The following PLA2G4E variants were observed in gnomAD, a reference collection of about 807,000 sequenced individuals.
PLA2G4E encodes the protein phospholipase A2 group IVE.
Under a neutral mutation model 109.1 loss-of-function variants are expected in PLA2G4E, and 84 were observed. The observed-to-expected ratio is 0.77, with a 90% confidence interval of 0.65 to 0.92. The LOEUF (loss-of-function observed/expected upper bound fraction) is 0.92. Among genes scored for constraint, PLA2G4E ranks in the 40% least tolerant of loss-of-function variants. The pLI is 0.00. For synonymous variants in PLA2G4E, 469 were observed against 436.1 expected (o/e 1.08, Z -0.94); for missense variants, 1,057 against 1,076.6 (o/e 0.98, Z 0.25).
At chr15:42,006,292 G>T (rs796659058) in intron 3 of PLA2G4E, 171 bp from the exon 4 acceptor site, 8 of 733,908 alleles carry the variant, frequency 1.1e-5, no homozygotes, top group Non-Finnish European at 1.7e-5. Context: ...AATTAAGGAA[G>T]GCAAGTGTCT....
chr15:41,989,555 G>A lies in PLA2G4E; in HGVS notation c.1586-3C>T, dbSNP rs755503500. On this transcript the variant is annotated splice_region_variant and splice_polypyrimidine_tract_variant and intron_variant, in intron 14 of 19. Coordinates refer to ENST00000399518, the Ensembl canonical transcript of PLA2G4E. Reference sequence around the variant, plus strand: ...GTAGGGGGAGAACTCGAACCACTCTGCACATGAAGCAGCAGGACGGGGGTC... The same window carrying A: ...GTAGGGGGAGAACTCGAACCACTCTACACATGAAGCAGCAGGACGGGGGTC... The A allele has an allele frequency of 6.2e-7, 1 of 1,612,086 alleles. No individual in the cohort carries two copies. The highest frequency in any genetic ancestry group is 8.5e-7 in the Non-Finnish European group (1 of 1,178,636).
At chr15:41,983,949 C>T (rs1566832766) in exon 20 of PLA2G4E, 1 of 1,609,638 alleles carries the variant, frequency 6.2e-7, no homozygotes, top group Non-Finnish European at 8.5e-7. Context: ...GGCCCTGCTC[C>T]AGCTCCTCAG....
At chr15:42,006,257 T>C (rs2141048785) in intron 3 of PLA2G4E, 136 bp from the exon 4 acceptor site, 2 of 1,100,968 alleles carry the variant, frequency 1.8e-6, no homozygotes, top group South Asian at 3.3e-5. Context: ...CCTGCTCAGA[T>C]GTGACAGACA....
At chr15:42,010,066 T>C (rs760533182) in intron 2 of PLA2G4E, 42 of 489,918 alleles carry the variant, frequency 8.6e-5, no homozygotes, top group South Asian at 6.9e-4. Context: ...GCTCTGCTGA[T>C]AGGGAGACTC....
intron 1 of PLA2G4E, among the ~76,000 whole-genome samples, chr15:42,016,253 T>C (rs1217356839): frequency 6.7e-6 from 1 of 149,016 alleles, no homozygotes; most frequent in Non-Finnish European, 1.5e-5. Context: ...TTTTTTTTTT[T>C]TTTTTTTTTT....
rs140086732 is a variant in PLA2G4E, at chr15:41,986,971, C to G, written c.2035+201G>C. ...TGTACAGATGCAGTGAGTTAAGTAC[C>G]CACACCACTCCCTGCTGCCAGACAC... On this transcript the variant is annotated intron_variant, in intron 17 of 19. Coordinates refer to ENST00000399518, the Ensembl canonical transcript of PLA2G4E. The G allele has an allele frequency of 8.2e-6, 5 of 607,980 alleles. No individual in the cohort carries two copies. In the African/African-American group the frequency reaches 9.3e-5, roughly 11 times the overall value. 37.7% of individuals were successfully genotyped at this position (607,980 alleles called of 1,614,324 possible). A position where few individuals can be genotyped will look rare whatever the true frequency, so the allele number is the denominator to read the frequency against.
intron 1 of PLA2G4E, among the ~76,000 whole-genome samples, chr15:42,035,961 G>A (rs1428744289): frequency 6.6e-6 from 1 of 151,454 alleles, no homozygotes; most frequent in Non-Finnish European, 1.5e-5. Context: ...TATAAGCTAG[G>A]TAACATACAA....
rs1216899783 is a variant in PLA2G4E at position 42,013,740 on chromosome 15, G to T, written c.201C>A (p.Cys67Ter). The stretch of plus-strand genomic sequence containing the variant: ...GGATGACCCTCACTGTCAACAGGTG[G>T]CATGGAGACAGCCCCTCCTGTGGAA... Residue 67 changes from cysteine to a stop codon, truncating the protein, a stop_gained, in exon 2 of 20, where the codon TGC becomes TGA. Coordinates refer to ENST00000399518, the Ensembl canonical transcript of PLA2G4E. LOFTEE classifies it high-confidence loss of function. 1 of 1,550,512 alleles carries T rather than the reference G, an allele frequency of 6.4e-7. No individual in the cohort carries two copies. The highest frequency in any genetic ancestry group is 2.4e-5 in the East Asian group (1 of 40,904).
intron 1 of PLA2G4E, among the ~76,000 whole-genome samples, chr15:42,046,972 A>G (rs899623851): frequency 1.3e-5 from 2 of 152,216 alleles, no homozygotes; most frequent in Non-Finnish European, 2.9e-5. Flanking sequence ...CCCAGAAAAG[A>G]GGAAGGCCTG....
chr15:42,000,345 C>G, intron 7 of PLA2G4E, 63 bp from the exon 8 acceptor site: 2 of 1,452,566 alleles, frequency 1.4e-6, no homozygotes, highest in Non-Finnish European at 1.8e-6. Context: ...GCAACTTGGT[C>G]CAGCAAAAAA....
chr15:42,038,485 C>T (rs4924606), intron 1 of PLA2G4E, among the ~76,000 whole-genome samples: 63,103 of 152,082 alleles, frequency 0.41, 14,157 homozygotes, highest in African/African-American at 0.57. Flanking sequence ...TAGATTCTCA[C>T]AAGGAGCGTG....
intron 5 of PLA2G4E, 119 bp from the exon 6 acceptor site, chr15:42,002,815 T>TA (rs980279850): frequency 1.0e-6 from 1 of 973,662 alleles, no homozygotes. Flanking sequence ...TTTGTTCTCA[T>TA]AAAAAATACT....
At chr15:42,004,768 A>T (rs1448566451) in intron 5 of PLA2G4E, among the ~76,000 whole-genome samples, 170 bp downstream of exon 5, 1 of 152,184 alleles carries the variant, frequency 6.6e-6, no homozygotes, top group Non-Finnish European at 1.5e-5. Context: ...TACACTATGG[A>T]GAAGCTCCTG....
intron 1 of PLA2G4E, among the ~76,000 whole-genome samples, chr15:42,033,061 G>A (rs1315910133): frequency 1.3e-5 from 2 of 152,154 alleles, no homozygotes; most frequent in African/African-American, 4.8e-5. Flanking sequence ...GCGAGTGTGT[G>A]TTGTATGAGT....
At chr15:42,018,395 G>T (rs972742176) in intron 1 of PLA2G4E, among the ~76,000 whole-genome samples, 12 of 152,170 alleles carry the variant, frequency 7.9e-5, no homozygotes, top group African/African-American at 2.9e-4. Flanking sequence ...GGATGCCCTG[G>T]CTGGGATTGG....
intron 1 of PLA2G4E, among the ~76,000 whole-genome samples, chr15:42,042,578 A>G (rs1249149113): frequency 1.3e-5 from 2 of 152,166 alleles, no homozygotes; most frequent in Admixed American, 1.3e-4. Flanking sequence ...ACCATACCAG[A>G]TATTTATATA....
At chr15:41,999,584 C>A (rs1275566011) in intron 9 of PLA2G4E, 23 bp from the exon 10 acceptor site, 3 of 1,610,098 alleles carry the variant, frequency 1.9e-6, no homozygotes, top group African/African-American at 2.7e-5. Context: ...AGATGAAAAG[C>A]TTGTCAGAGG....
At chr15:41,986,893 T>C in intron 17 of PLA2G4E, 1 of 459,628 alleles carries the variant, frequency 2.2e-6, no homozygotes, top group South Asian at 2.5e-5. Context: ...ATCTGTAACA[T>C]GGGGCCAACT....
chr15:42,044,064 G>A (rs1889366135), intron 1 of PLA2G4E, among the ~76,000 whole-genome samples: 1 of 152,198 alleles, frequency 6.6e-6, no homozygotes, highest in Admixed American at 6.5e-5. Flanking sequence ...AGACATTTGA[G>A]CACCTCCTAA....
Sources: gnomAD v4.1 joint callset for allele counts (sites outside exome capture counted in the v4.1 genomes callset) on GRCh38, gnomAD v4.1.1 for gene constraint, MANE v1.5 for transcripts, NCBI Gene and HGNC (gene_info 2026-07-23, HGNC 2026-07-21) for gene names.